The following ARHGEF26 variants were observed in gnomAD, a reference collection of about 807,000 sequenced individuals.
The protein encoded by ARHGEF26 is Rho guanine nucleotide exchange factor (GEF) 26.
A neutral mutation model predicts 89.4 loss-of-function variants in ARHGEF26; 59 were observed. The ratio of observed to expected loss-of-function variants is 0.66; its 90% CI spans 0.54 to 0.82. The LOEUF (loss-of-function observed/expected upper bound fraction) is 0.82. ARHGEF26 is among the 40% of genes least tolerant of loss of function. ARHGEF26 has a pLI of 0.00. For synonymous variants in ARHGEF26, 500 were observed against 428.4 expected, an observed-to-expected ratio of 1.17 and a Z score of -2.06; for missense variants, 1,234 against 1,085.6, an observed-to-expected ratio of 1.14 and a Z score of -1.92.
intron 11 of ARHGEF26, among the ~76,000 whole-genome samples, chr3:154,228,204 T>G (rs1385364656): frequency 6.6e-6 from 1 of 151,506 alleles, no homozygotes; most frequent in African/African-American, 2.4e-5. Context: ...TGGCATGATC[T>G]CTGGTTCACT....
At chr3:154,217,789 AT>A in intron 9 of ARHGEF26, 79 bp from the exon 10 acceptor site, 1 of 1,097,354 alleles carries the variant, frequency 9.1e-7, no homozygotes, top group Non-Finnish European at 1.4e-6. Context: ...AGTGGTAATT[AT>A]TTCCTGTGAG....
intron 11 of ARHGEF26, among the ~76,000 whole-genome samples, chr3:154,235,391 A>G (rs1576813185): frequency 1.3e-5 from 2 of 152,178 alleles, no homozygotes; most frequent in Admixed American, 6.5e-5. Context: ...TCTTCATTTT[A>G]TATTCTAACT....
At chr3:154,229,491 C>T (rs1347516243) in intron 11 of ARHGEF26, among the ~76,000 whole-genome samples, 1 of 152,204 alleles carries the variant, frequency 6.6e-6, no homozygotes, top group Non-Finnish European at 1.5e-5. Context: ...GGGATGAGGA[C>T]ATGAACACTT....
Position 154,122,958 on chromosome 3 carries a change from C to A in ARHGEF26, c.966C>A (p.Val322=). The A allele has an allele frequency of 1.9e-6, 3 of 1,613,746 alleles. No homozygotes were observed. Among genetic ancestry groups the A allele is most frequent in the Non-Finnish European group, 2.5e-6 (3 of 1,179,814 alleles). The part of the protein sequence containing the change: ...LRSTSYRRAV[V]SGFDFDSPTS... The stretch of plus-strand genomic sequence containing the variant: ...CCACGTCTTATCGCAGGGCAGTGGT[C>A]AGTGGCTTTGATTTTGACAGTCCTA... The change falls in exon 2 of 15, where the codon GTC becomes GTA. Residue 322 remains valine (V), a synonymous_variant. Coordinates refer to ENST00000465093, the MANE Select transcript of ARHGEF26 (RefSeq NM_015595.4).
chr3:154,239,295 AGAGAGTGTGTGTGTGT>A (rs1477196451), intron 11 of ARHGEF26, among the ~76,000 whole-genome samples: 2,170 of 58,224 alleles, frequency 0.037, 8 homozygotes, highest in Non-Finnish European at 0.051. Context: ...AGAGAGAGAG[AGAGAGTGTGTGTGTGT>A]GTGTGTGTGT....
intron 6 of ARHGEF26, among the ~76,000 whole-genome samples, chr3:154,186,174 C>T (rs1260920462): frequency 5.3e-5 from 8 of 151,768 alleles, no homozygotes; most frequent in African/African-American, 1.9e-4. Context: ...CACCCCTATA[C>T]ACATACTATT....
intron 4 of ARHGEF26, among the ~76,000 whole-genome samples, chr3:154,141,119 G>A (rs925704657): frequency 6.6e-6 from 1 of 151,900 alleles, no homozygotes; most frequent in Non-Finnish European, 1.5e-5. Context: ...CTGCCACCTT[G>A]CCCGGCTGAT....
At chr3:154,196,394 T>C (rs1190920066) in intron 9 of ARHGEF26, among the ~76,000 whole-genome samples, 1 of 152,106 alleles carries the variant, frequency 6.6e-6, no homozygotes, top group East Asian at 1.9e-4. Flanking sequence ...GCAAAGATAA[T>C]GGTAGCATCA....
At chr3:154,243,565 T>G (rs888215151) in intron 12 of ARHGEF26, among the ~76,000 whole-genome samples, 2 of 152,220 alleles carry the variant, frequency 1.3e-5, no homozygotes, top group Non-Finnish European at 2.9e-5. Flanking sequence ...ACTGAATGGT[T>G]GTTCGTTTCC....
chr3:154,202,784 C>G (rs1179945546), intron 9 of ARHGEF26, among the ~76,000 whole-genome samples: 3 of 48,690 alleles, frequency 6.2e-5, no homozygotes, highest in African/African-American at 2.2e-4. Flanking sequence ...GGAGTTCACT[C>G]ATGATTTGGC....
At chr3:154,129,793 T>A (rs1626280) in intron 4 of ARHGEF26, 74 bp downstream of exon 4, 1,069,682 of 1,494,922 alleles carry the variant, frequency 0.72, 387,883 homozygotes, top group South Asian at 0.76. Context: ...GATTTGGCTT[T>A]TGTTCTTTTC....
intron 11 of ARHGEF26, among the ~76,000 whole-genome samples, chr3:154,226,617 A>C (rs181389662): frequency 7.9e-5 from 12 of 151,386 alleles, no homozygotes; most frequent in Admixed American, 4.0e-4. Context: ...TATTGTAGAA[A>C]CCTTTTCTTT....
intron 6 of ARHGEF26, among the ~76,000 whole-genome samples, chr3:154,172,377 G>A (rs1415510141): frequency 6.6e-6 from 1 of 152,126 alleles, no homozygotes; most frequent in African/African-American, 2.4e-5. Flanking sequence ...CACAGGTTGT[G>A]TTTAAAGACA....
chr3:154,170,088 G>A (rs529316762), intron 6 of ARHGEF26, among the ~76,000 whole-genome samples: 4 of 151,994 alleles, frequency 2.6e-5, no homozygotes, highest in Admixed American at 6.6e-5. Flanking sequence ...CTAGCTGGGC[G>A]TGGTGGCTCA....
intron 4 of ARHGEF26, among the ~76,000 whole-genome samples, chr3:154,145,396 G>T (rs1373714992): frequency 2.6e-5 from 4 of 152,160 alleles, no homozygotes; most frequent in Non-Finnish European, 5.9e-5. Flanking sequence ...TGTAAGTAGA[G>T]AATCACCAAT....
intron 12 of ARHGEF26, among the ~76,000 whole-genome samples, chr3:154,244,345 C>A (rs1002204479): frequency 3.3e-5 from 5 of 152,086 alleles, no homozygotes; most frequent in African/African-American, 1.2e-4. Context: ...AAATCAATGG[C>A]TTTGATTACG....
At chr3:154,146,820 T>C (rs1719731602) in intron 4 of ARHGEF26, among the ~76,000 whole-genome samples, 1 of 152,248 alleles carries the variant, frequency 6.6e-6, no homozygotes, top group African/African-American at 2.4e-5. Context: ...TATAGACATA[T>C]GTTCATATAT....
chr3:154,249,946 C>G lies in ARHGEF26; in HGVS notation c.2301-3170C>G, dbSNP rs80309298. ...GGGTAAGTCTATGCCCTGGTTTTTC[C>G]TGTCCCTAGAATCCATCTTATAACA... is the stretch of plus-strand genomic sequence containing the variant. On this transcript the variant is annotated intron_variant, in intron 12 of 14. Transcript: ENST00000465093. Among the ~76,000 whole-genome samples the G allele has an allele frequency of 2.8e-4, 43 of 152,280 alleles. No homozygotes were observed. The East Asian group carries it at 7.1e-3, about 25-fold the overall frequency.
intron 4 of ARHGEF26, among the ~76,000 whole-genome samples, chr3:154,130,300 C>T (rs1216700868): frequency 6.6e-6 from 1 of 151,856 alleles, no homozygotes; most frequent in Non-Finnish European, 1.5e-5. Flanking sequence ...GCCACCATAC[C>T]CAGCTAATTT....
Sources: allele counts gnomAD v4.1 joint callset (sites outside exome capture counted in the v4.1 genomes callset), GRCh38; gene constraint gnomAD v4.1.1; transcripts MANE v1.5; gene names NCBI Gene and HGNC (gene_info 2026-07-23, HGNC 2026-07-21).